Variants in PLXNA4 observed in about 807,000 individuals in gnomAD.
PLXNA4 encodes plexin-A4.
PLXNA4 carries 44 observed loss-of-function variants against 191.8 expected under a neutral mutation model. The observed-to-expected ratio is 0.23, with a 90% CI of 0.18 to 0.29. PLXNA4 has a LOEUF of 0.29. PLXNA4 is among the 10% of genes least tolerant of loss of function. PLXNA4 has a pLI of 1.00. For synonymous variants in PLXNA4, 1,082 were observed against 1,009.5 expected (o/e 1.07, Z -1.36); for missense variants, 1,800 against 2,488.8 (o/e 0.72, Z 5.89).
chr7:132,200,166 T>C (rs1254063114), intron 12 of PLXNA4, among the ~76,000 whole-genome samples: 2 of 152,198 alleles, frequency 1.3e-5, no homozygotes, highest in African/African-American at 4.8e-5. Flanking sequence ...AACACCAGTA[T>C]GGAGGCAGTA....
chr7:132,468,963 A>T (rs2117402597), intron 3 of PLXNA4, among the ~76,000 whole-genome samples: 1 of 152,088 alleles, frequency 6.6e-6, no homozygotes, highest in African/African-American at 2.4e-5. Context: ...TGGCCTGTGG[A>T]ATGCTCGAAA....
chr7:132,593,013 C>T (rs1802631481), intron 2 of PLXNA4, among the ~76,000 whole-genome samples: 1 of 152,196 alleles, frequency 6.6e-6, no homozygotes, highest in South Asian at 2.1e-4. Context: ...GAGTGATCTA[C>T]CCAACCTATG....
At chr7:132,364,436 T>A (rs1464772661) in intron 3 of PLXNA4, among the ~76,000 whole-genome samples, 1 of 152,100 alleles carries the variant, frequency 6.6e-6, no homozygotes, top group East Asian at 1.9e-4. Flanking sequence ...ACTGGGGCAG[T>A]GGTTTCATGT....
intron 3 of PLXNA4, among the ~76,000 whole-genome samples, chr7:132,352,988 A>C (rs1489355992): frequency 3.3e-5 from 5 of 152,196 alleles, no homozygotes; most frequent in Admixed American, 2.6e-4. Context: ...CAAACATGAA[A>C]AAAAAATCCC....
At chr7:132,152,809 G>C (rs1044622565) in intron 25 of PLXNA4, among the ~76,000 whole-genome samples, 2 of 152,188 alleles carry the variant, frequency 1.3e-5, no homozygotes, top group African/African-American at 4.8e-5. Flanking sequence ...TCCTGGGGCA[G>C]AGTGACTCCT....
At chr7:132,577,704 C>T (rs1370046199), upstream of PLXNA4, among the ~76,000 whole-genome samples, 2 of 152,146 alleles carry the variant, frequency 1.3e-5, no homozygotes, top group African/African-American at 4.8e-5. Context: ...CCGGAGCGCA[C>T]GGCGCGCGCT....
chr7:132,177,254 C>A lies in PLXNA4; in HGVS notation c.3875-2334G>T, dbSNP rs1029245220. Among the ~76,000 whole-genome samples the A allele has an allele frequency of 2.0e-5, 3 of 152,126 alleles. 1 individual carries two copies. Among genetic ancestry groups the A allele is most frequent in the Admixed American group, 2.0e-4 (3 of 15,276 alleles). ...GTGTATGTCAGTGAGGGTGTGTGGG[C>A]CTGTGTGGGAGTGTTTGTAAATACA... On this transcript the variant is annotated intron_variant, in intron 20 of 31. Transcript: ENST00000321063.
Position 132,561,234 on chromosome 7 carries a change from A to C in PLXNA4, c.-87+15188T>G, listed in dbSNP as rs137922088. 4.0e-3 allele frequency among the ~76,000 whole-genome samples: 607 copies of C among 152,010 alleles called. 9 individuals carry two copies. The highest frequency in any genetic ancestry group is 0.014 in the African/African-American group (572 of 41,420). On this transcript the variant is annotated intron_variant, in intron 1 of 31. Transcript: ENST00000321063. ...CTTATGAGTTCACAAAGCCAATCTG[A>C]GGGATCCTTCAAAACATCCTCTAAA...
intron 1 of PLXNA4, among the ~76,000 whole-genome samples, chr7:132,646,896 T>G (rs1330068347): frequency 6.6e-6 from 1 of 151,560 alleles, no homozygotes; most frequent in Non-Finnish European, 1.5e-5. Context: ...TACACACACA[T>G]GCATTCACAC....
intron 10 of PLXNA4, among the ~76,000 whole-genome samples, chr7:132,210,263 G>T (rs1392023740): frequency 6.6e-6 from 1 of 152,188 alleles, no homozygotes; most frequent in African/African-American, 2.4e-5. Context: ...AGGTGCGAAG[G>T]GAAGTCAGGA....
At chr7:132,375,126 T>C (rs1303351863) in intron 3 of PLXNA4, among the ~76,000 whole-genome samples, 6 of 152,208 alleles carry the variant, frequency 3.9e-5, no homozygotes. Flanking sequence ...ACAGACACTT[T>C]AGCTGGGATT....
intron 20 of PLXNA4, among the ~76,000 whole-genome samples, chr7:132,178,903 C>G (rs1052509391): frequency 4.8e-5 from 7 of 146,212 alleles, no homozygotes; most frequent in Non-Finnish European, 1.0e-4. Context: ...AGCTGCCTGG[C>G]CTGCTTGCTT....
intron 3 of PLXNA4, among the ~76,000 whole-genome samples, chr7:132,479,414 C>T (rs1328446282): frequency 6.6e-6 from 1 of 152,164 alleles, no homozygotes; most frequent in Non-Finnish European, 1.5e-5. Context: ...AGATGCAACC[C>T]TTGGAGAGCC....
At chr7:132,301,171 C>A (rs1022274705) in intron 3 of PLXNA4, among the ~76,000 whole-genome samples, 5 of 152,150 alleles carry the variant, frequency 3.3e-5, no homozygotes, top group African/African-American at 1.2e-4. Context: ...CCCCACCCTC[C>A]AACAAATTTT....
intron 20 of PLXNA4, among the ~76,000 whole-genome samples, chr7:132,175,852 A>G (rs1796440148): frequency 1.3e-5 from 2 of 152,228 alleles, no homozygotes; most frequent in Admixed American, 1.3e-4. Flanking sequence ...GGATTAACAC[A>G]TGCTGGCAAA....
At chr7:132,594,573 T>C (rs1478634449) in intron 2 of PLXNA4, among the ~76,000 whole-genome samples, 1 of 152,216 alleles carries the variant, frequency 6.6e-6, no homozygotes, top group African/African-American at 2.4e-5. Context: ...GAACTTCCAT[T>C]TGAAGTCCCG....
chr7:132,473,374 T>TAAA (rs1474964200), intron 3 of PLXNA4, among the ~76,000 whole-genome samples: 1 of 152,126 alleles, frequency 6.6e-6, no homozygotes, highest in East Asian at 1.9e-4. Context: ...GCTCCCCCAG[T>TAAA]GTTTCCCAAA....
chr7:132,527,068 A>G (rs1027563232), intron 1 of PLXNA4, among the ~76,000 whole-genome samples: 2 of 152,172 alleles, frequency 1.3e-5, no homozygotes, highest in African/African-American at 4.8e-5. Flanking sequence ...GTCCAGCCTT[A>G]TGTTAGCCAT....
At chr7:132,617,001 GA>G (rs1803168559) in intron 2 of PLXNA4, among the ~76,000 whole-genome samples, 2 of 152,128 alleles carry the variant, frequency 1.3e-5, no homozygotes, top group Admixed American at 1.3e-4. Flanking sequence ...TCACCACAAA[GA>G]ACCCTGAAGC....
Sources: allele counts gnomAD v4.1 joint callset (sites outside exome capture counted in the v4.1 genomes callset), GRCh38; gene constraint gnomAD v4.1.1; transcripts MANE v1.5; gene names NCBI Gene and HGNC (gene_info 2026-07-23, HGNC 2026-07-21).